Variants in KIAA1614 observed in about 807,000 individuals in gnomAD.
KIAA1614 encodes uncharacterized protein KIAA1614.
A neutral mutation model predicts 88.7 loss-of-function variants in KIAA1614; 76 were observed. The observed-to-expected ratio is 0.86, with a 90% confidence interval of 0.71 to 1.04. The LOEUF is 1.04. Among genes scored for constraint, KIAA1614 ranks in the 50% least tolerant of loss-of-function variants. The pLI is 0.00. For missense variants in KIAA1614, 1,553 were observed against 1,582.5 expected, an observed-to-expected ratio of 0.98 and a Z score of 0.32; for synonymous variants, 714 against 675.5, an observed-to-expected ratio of 1.06 and a Z score of -0.88.
intron 5 of KIAA1614, among the ~76,000 whole-genome samples, chr1:180,937,635 G>C (rs1654362435): frequency 6.6e-6 from 1 of 152,206 alleles, no homozygotes; most frequent in Admixed American, 6.5e-5. Context: ...GAGGGACCCA[G>C]GGCTTGGCAA....
chr1:180,917,244 G>A (rs978386340), intron 2 of KIAA1614, 144 bp downstream of exon 2: 6 of 668,378 alleles, frequency 9.0e-6, no homozygotes, highest in Non-Finnish European at 1.3e-5. Context: ...AAATCATCAG[G>A]ATGGCCTCTT....
intron 1 of KIAA1614, 56 bp from the exon 2 acceptor site, chr1:180,916,098 T>G: frequency 7.2e-7 from 1 of 1,386,846 alleles, no homozygotes; most frequent in Non-Finnish European, 9.7e-7. Flanking sequence ...CCCCGGGAGG[T>G]TGTGGGGGTT....
In KIAA1614 at chr1:180,938,614, A is replaced by G. The variant is rs769664089; in HGVS notation, c.2821A>G (p.Thr941Ala). The change falls in exon 6 of 9, where the codon ACC becomes GCC. Residue 941 changes from threonine to alanine, a missense_variant. Coordinates refer to ENST00000367588, the MANE Select transcript of KIAA1614 (RefSeq NM_020950.2). ...DVATINSTGI[T>A]LSLSSEESES... ...TGCCACCATCAACTCCACGGGCATCACCCTCTCCCTGTCCTCAGAGGAGTC... is the reference window on the plus strand; with the variant it reads ...TGCCACCATCAACTCCACGGGCATCGCCCTCTCCCTGTCCTCAGAGGAGTC... 1 of 1,614,068 alleles carries G rather than the reference A, an allele frequency of 6.2e-7. No individual in the cohort carries two copies. Among genetic ancestry groups the G allele is most frequent in the Non-Finnish European group, 8.5e-7 (1 of 1,179,972 alleles).
chr1:180,919,349 C>T (rs1044519167), intron 3 of KIAA1614, among the ~76,000 whole-genome samples: 16 of 152,292 alleles, frequency 1.1e-4, no homozygotes, highest in Non-Finnish European at 2.2e-4. Context: ...CCTCCCTGGC[C>T]GCTGTTTCCA....
chr1:180,934,437 A>T (rs112397537), intron 4 of KIAA1614, among the ~76,000 whole-genome samples: 2,420 of 152,066 alleles, frequency 0.016, 72 homozygotes, highest in African/African-American at 0.056. Context: ...AAAAATAACC[A>T]AAATAAGCCA....
chr1:180,945,381 C>T lies in KIAA1614; in HGVS notation c.3366C>T (p.Arg1122=). Residue 1122 remains arginine (R), a synonymous_variant, in exon 9 of 9, where the codon CGC becomes CGT. Coordinates refer to ENST00000367588, the MANE Select transcript of KIAA1614 (RefSeq NM_020950.2). The stretch of plus-strand genomic sequence containing the variant: ...CCAGCCTGGCTCGCACCGTGGGCCG[C>T]CTGGTGGAGGTGTTCCCAGACGGCA... ...GAPSLARTVG[R]LVEVFPDGTS... 3.8e-6 allele frequency: 6 copies of T among 1,599,882 alleles called. No individual in the cohort carries two copies. Among genetic ancestry groups the T allele is most frequent in the Non-Finnish European group, 3.4e-6 (4 of 1,175,660 alleles).
chr1:180,950,344 C>T lies in KIAA1614; in HGVS notation c.*4756C>T. On this transcript the variant is annotated 3_prime_UTR_variant, in exon 9 of 9. Coordinates refer to ENST00000367588, the MANE Select transcript of KIAA1614 (RefSeq NM_020950.2). Reference sequence around the variant, plus strand: ...TTCTCCTGTTTTCCTCTGCAGGGATCTACGTGCAGGAGATGGCTGACATGA... The same window carrying T: ...TTCTCCTGTTTTCCTCTGCAGGGATTTACGTGCAGGAGATGGCTGACATGA... The T allele has an allele frequency of 8.3e-7, 1 of 1,207,614 alleles. No homozygotes were observed. Among genetic ancestry groups the T allele is most frequent in the Non-Finnish European group, 1.1e-6 (1 of 948,670 alleles). The allele number at this position is 1,207,614 out of a possible 1,614,324, so 74.8% of individuals were successfully genotyped here.
At position 180,928,650 on chromosome 1, in the gene KIAA1614, A is replaced by G. The variant is rs61376777; in HGVS notation, c.1205+77A>G. ...TCAGCAGTGGGAAGAAGTGGGATCT[A>G]GCCAAATGCTGCTGCTGCTCGCTCC... On this transcript the variant is annotated intron_variant, in intron 4 of 8. Transcript: ENST00000367588. 1,392 of 1,447,466 alleles carry G rather than the reference A, an allele frequency of 9.6e-4. 18 individuals carry two copies. The African/African-American group carries it at 0.021, about 22-fold the overall frequency. The allele number at this position is 1,447,466 out of a possible 1,614,324, so 89.7% of individuals were successfully genotyped here.
At position 180,947,585 on chromosome 1, in the gene KIAA1614, C is replaced by T. The variant is rs1024432465; in HGVS notation, c.*1997C>T. ...TCTGGACCTCAGGAGGATAAAAAGT[C>T]CTTCCTCACAGGCCTTCCCGTAGCC... On this transcript the variant is annotated 3_prime_UTR_variant, in exon 9 of 9. Transcript: ENST00000367588. 3 of 152,224 alleles carry T rather than the reference C, an allele frequency of 2.0e-5. No homozygotes were observed. Among genetic ancestry groups the T allele is most frequent in the Non-Finnish European group, 4.4e-5 (3 of 68,042 alleles). 9.4% of individuals were successfully genotyped at this position (152,224 alleles called of 1,614,324 possible). A position where few individuals can be genotyped will look rare whatever the true frequency, so the allele number is the denominator to read the frequency against.
In KIAA1614 at chr1:180,944,494, G is replaced by A. The variant is rs911946008; in HGVS notation, c.3265G>A (p.Gly1089Arg). The change falls in exon 8 of 9, where the codon GGG becomes AGG. Residue 1089 changes from glycine to arginine, a missense_variant. Physicochemically the swap from Gly to Arg is moderately radical, Grantham distance 125. Transcript: ENST00000367588. The stretch of plus-strand genomic sequence containing the variant: ...CAGCCTCTACCTGGTAGCAGGGCCA[G>A]GGGACCACAGTGCAGCTGGCAGGTA... ...RSSLYLVAGP[G>R]DHSAAGRPAK... is the part of the protein sequence containing the mutation. 2 of 1,612,990 alleles carry A rather than the reference G, an allele frequency of 1.2e-6. No homozygotes were observed. The highest frequency in any genetic ancestry group is 2.7e-5 in the African/African-American group (2 of 74,914).
At chr1:180,928,384 C>A in intron 3 of KIAA1614, 46 bp from the exon 4 acceptor site, 4 of 1,483,432 alleles carry the variant, frequency 2.7e-6, no homozygotes, top group Non-Finnish European at 2.7e-6. Context: ...GCGTTATTTT[C>A]CTCTAATCCC....
intron 3 of KIAA1614, among the ~76,000 whole-genome samples, chr1:180,920,506 G>A (rs1021864750): frequency 3.3e-5 from 5 of 152,242 alleles, no homozygotes; most frequent in African/African-American, 1.2e-4. Flanking sequence ...CCTCACTCAT[G>A]AGGTCATGAG....
chr1:180,945,168 C>T (rs944235), intron 8 of KIAA1614, 135 bp from the exon 9 acceptor site: 1,092,152 of 1,097,662 alleles, frequency 0.99, 543,545 homozygotes, highest in East Asian at 1. Flanking sequence ...TTTTTGCTGG[C>T]TGAAGTCAGC....
At chr1:180,915,970 A>C (rs1242139913) in intron 1 of KIAA1614, among the ~76,000 whole-genome samples, 184 bp from the exon 2 acceptor site, 2 of 152,178 alleles carry the variant, frequency 1.3e-5, no homozygotes, top group Non-Finnish European at 2.9e-5. Flanking sequence ...ACTGTCTTTC[A>C]TGAAACCAGT....
intron 4 of KIAA1614, among the ~76,000 whole-genome samples, chr1:180,928,851 A>G (rs1184843742): frequency 6.6e-6 from 1 of 152,214 alleles, no homozygotes; most frequent in East Asian, 1.9e-4. Context: ...AAGCAAACAG[A>G]TATTCAATTA....
Position 180,916,705 on chromosome 1 carries a change from C to A in KIAA1614, c.602C>A (p.Pro201Gln). The A allele has an allele frequency of 6.2e-7, 1 of 1,612,180 alleles. No homozygotes were observed. The highest frequency in any genetic ancestry group is 8.5e-7 in the Non-Finnish European group (1 of 1,178,914). ...EWTLPDHDRGPLLGPSSLQQS... is the reference protein window; with the variant it reads ...EWTLPDHDRGQLLGPSSLQQS... ...ACACTTCCTGACCATGACAGAGGTC[C>A]GCTGCTGGGGCCCAGCTCTTTGCAA... Residue 201 changes from proline to glutamine, a missense_variant, in exon 2 of 9, where the codon CCG (proline) becomes CAG (glutamine). Pro to Gln is a moderately conservative substitution (Grantham distance 76). Transcript: ENST00000367588.
At chr1:180,915,688 C>CA (rs372773333) in intron 1 of KIAA1614, among the ~76,000 whole-genome samples, 11 of 152,336 alleles carry the variant, frequency 7.2e-5, no homozygotes, top group African/African-American at 2.6e-4. Context: ...TAGCGGTCCA[C>CA]AGCCCATAGC....
rs1209183252 is a variant in KIAA1614, at chr1:180,948,232, G to A, written c.*2644G>A. The A allele has an allele frequency of 1.3e-5, 2 of 152,294 alleles. No individual in the cohort carries two copies. Among genetic ancestry groups the A allele is most frequent in the African/African-American group, 2.4e-5 (1 of 41,486 alleles). The allele number at this position is 152,294 out of a possible 1,614,324, so 9.4% of individuals were successfully genotyped here. On this transcript the variant is annotated 3_prime_UTR_variant, in exon 9 of 9. Transcript: ENST00000367588. ...TGTCCCAGGCCATCCTCCAACAGCA[G>A]AGGGTCGCTTCTTCCAGGCTCCAAG...
intron 1 of KIAA1614, among the ~76,000 whole-genome samples, chr1:180,914,323 A>T (rs1346696160): frequency 1.3e-5 from 2 of 152,234 alleles, no homozygotes; most frequent in Admixed American, 6.5e-5. Context: ...GCTGCTAAGG[A>T]TCTGTGCAGC....
Sources: gnomAD v4.1 joint callset for allele counts (sites outside exome capture counted in the v4.1 genomes callset) on GRCh38, gnomAD v4.1.1 for gene constraint, MANE v1.5 for transcripts, NCBI Gene and HGNC (gene_info 2026-07-23, HGNC 2026-07-21) for gene names.